Variants in PTPRT observed in about 807,000 individuals in gnomAD.
PTPRT encodes the protein protein tyrosine phosphatase receptor type T, also known as receptor-type tyrosine-protein phosphatase T.
Under a neutral mutation model 176.8 loss-of-function variants are expected in PTPRT, and 56 were observed. That is an observed-to-expected ratio of 0.32 (90% confidence interval 0.26 to 0.40). PTPRT has a LOEUF of 0.40. Ranked by LOEUF, PTPRT falls within the 10% of genes least tolerant of loss-of-function variation. The probability of loss-of-function intolerance (pLI) is 1.00; values close to 1 mark genes in which losing one functional copy is unlikely to be tolerated. For synonymous variants in PTPRT, 783 were observed against 739.0 expected (o/e 1.06, Z -0.96); for missense variants, 1,540 against 1,908.2 (o/e 0.81, Z 3.60).
At chr20:42,493,202 T>C (rs2071593230) in intron 7 of PTPRT, among the ~76,000 whole-genome samples, 1 of 152,166 alleles carries the variant, frequency 6.6e-6, no homozygotes, top group African/African-American at 2.4e-5. Context: ...AGATGAGGAA[T>C]CCAAGAGTCT....
At chr20:42,911,706 A>G (rs1442617767) in intron 1 of PTPRT, among the ~76,000 whole-genome samples, 6 of 152,172 alleles carry the variant, frequency 3.9e-5, no homozygotes, top group Non-Finnish European at 8.8e-5. Context: ...ATTTAAAAAC[A>G]CAATCCCCTC....
intron 1 of PTPRT, among the ~76,000 whole-genome samples, chr20:43,186,490 C>T (rs1240674598): frequency 2.0e-5 from 3 of 152,222 alleles, no homozygotes; most frequent in Non-Finnish European, 4.4e-5. Flanking sequence ...GTATCCTGTG[C>T]TTGAAAGAGT....
chr20:42,882,462 TAA>T (rs1243489105), intron 2 of PTPRT, among the ~76,000 whole-genome samples: 2 of 152,048 alleles, frequency 1.3e-5, no homozygotes. Flanking sequence ...GTAGCATGAG[TAA>T]AAAGACACAC....
chr20:42,108,054 C>T (rs1037098583), intron 23 of PTPRT, among the ~76,000 whole-genome samples: 4 of 152,064 alleles, frequency 2.6e-5, no homozygotes, highest in Non-Finnish European at 2.9e-5. Context: ...GGGGGTCACT[C>T]GTGTTTTTTT....
chr20:42,231,132 G>A (rs1038034365), intron 15 of PTPRT, among the ~76,000 whole-genome samples: 3 of 143,838 alleles, frequency 2.1e-5, no homozygotes, highest in African/African-American at 8.0e-5. Flanking sequence ...GCCTGGAATA[G>A]CTACCACTTC....
chr20:42,451,484 ATAG>A (rs1355046652), intron 8 of PTPRT, among the ~76,000 whole-genome samples: 1 of 152,134 alleles, frequency 6.6e-6, no homozygotes, highest in Admixed American at 6.5e-5. Context: ...TAGGCAGGGA[ATAG>A]ATGGCAAGAG....
chr20:42,737,490 G>C (rs894179852), intron 6 of PTPRT, among the ~76,000 whole-genome samples: 5 of 152,170 alleles, frequency 3.3e-5, no homozygotes, highest in Admixed American at 6.5e-5. Context: ...AATTAGCCGG[G>C]CATGGTGGTG....
At chr20:42,144,570 G>A (rs1988777790) in intron 17 of PTPRT, among the ~76,000 whole-genome samples, 1 of 152,138 alleles carries the variant, frequency 6.6e-6, no homozygotes, top group Non-Finnish European at 1.5e-5. Flanking sequence ...GAAACACAGG[G>A]AAGGGTGCAG....
chr20:42,101,923 G>A (rs1985973402), intron 26 of PTPRT, among the ~76,000 whole-genome samples: 1 of 152,204 alleles, frequency 6.6e-6, no homozygotes, highest in South Asian at 2.1e-4. Context: ...CTCTTTGTAT[G>A]AGAAAAGGAG....
chr20:42,393,921 G>T (rs916888596), intron 9 of PTPRT, among the ~76,000 whole-genome samples: 9 of 152,128 alleles, frequency 5.9e-5, no homozygotes, highest in African/African-American at 2.2e-4. Context: ...GAAGAGTCAG[G>T]GAAGACTACG....
intron 14 of PTPRT, among the ~76,000 whole-genome samples, chr20:42,239,199 C>T (rs2056303250): frequency 6.6e-6 from 1 of 152,052 alleles, no homozygotes; most frequent in Non-Finnish European, 1.5e-5. Context: ...TGAACAAATA[C>T]TTATTCAGCA....
intron 1 of PTPRT, among the ~76,000 whole-genome samples, chr20:42,939,550 T>G (rs962226502): frequency 6.6e-6 from 1 of 152,194 alleles, no homozygotes; most frequent in African/African-American, 2.4e-5. Flanking sequence ...TGAGACACTG[T>G]TTTTTCGGTC....
At chr20:42,716,501 G>T (rs934190101) in intron 6 of PTPRT, among the ~76,000 whole-genome samples, 3 of 152,196 alleles carry the variant, frequency 2.0e-5, no homozygotes, top group Non-Finnish European at 4.4e-5. Flanking sequence ...CTGATGACCA[G>T]TGATGATGAG....
intron 7 of PTPRT, among the ~76,000 whole-genome samples, chr20:42,523,664 C>T (rs1165706435): frequency 1.3e-5 from 2 of 152,046 alleles, no homozygotes; most frequent in African/African-American, 2.4e-5. Flanking sequence ...AGTACAATGA[C>T]GTAGACATAT....
intron 1 of PTPRT, among the ~76,000 whole-genome samples, chr20:42,987,392 G>A (rs1983656279): frequency 6.6e-6 from 1 of 152,202 alleles, no homozygotes; most frequent in Non-Finnish European, 1.5e-5. Flanking sequence ...GGCTATGGTG[G>A]TCGGCAGTGC....
At chr20:42,316,481 G>A (rs529318582) in intron 11 of PTPRT, among the ~76,000 whole-genome samples, 186 of 152,270 alleles carry the variant, frequency 1.2e-3, no homozygotes, top group Non-Finnish European at 2.1e-3. Context: ...CACTTACCCA[G>A]ATTCAACTAG....
chr20:42,913,521 T>C (rs751625366), intron 1 of PTPRT, among the ~76,000 whole-genome samples: 1 of 152,190 alleles, frequency 6.6e-6, no homozygotes, highest in African/African-American at 2.4e-5. Flanking sequence ...AAGGACCTCA[T>C]CTTAAGTTGA....
rs561350836 is a variant in PTPRT, at chr20:42,144,329, G to T, written c.2683-2327C>A. Reference sequence around the variant, plus strand: ...AGTAGAGTGCCTAGCATTGAATACTGCACACTTTTTTAAAAACATGTTCAA... The same window carrying T: ...AGTAGAGTGCCTAGCATTGAATACTTCACACTTTTTTAAAAACATGTTCAA... On this transcript the variant is annotated intron_variant, in intron 17 of 30. Transcript: ENST00000373187. Among the ~76,000 whole-genome samples the T allele has an allele frequency of 3.3e-5, 5 of 152,246 alleles. No homozygotes were observed. The East Asian group carries it at 9.7e-4, about 29-fold the overall frequency.
chr20:42,308,891 A>G (rs2145343983), intron 12 of PTPRT, among the ~76,000 whole-genome samples: 1 of 152,328 alleles, frequency 6.6e-6, no homozygotes, highest in South Asian at 2.1e-4. Flanking sequence ...CTCTACCTAG[A>G]TAATCCCCAC....
Sources: gnomAD v4.1 joint callset for allele counts (sites outside exome capture counted in the v4.1 genomes callset) on GRCh38, gnomAD v4.1.1 for gene constraint, MANE v1.5 for transcripts, NCBI Gene and HGNC (gene_info 2026-07-23, HGNC 2026-07-21) for gene names.